Variants in DNAJC4 observed in about 807,000 individuals in gnomAD.
DNAJC4 encodes the protein dnaJ homolog subfamily C member 4.
DNAJC4 carries 26 observed loss-of-function variants against 26.8 expected under a neutral mutation model. The ratio of observed to expected loss-of-function variants is 0.97; its 90% CI spans 0.71 to 1.34. The LOEUF (loss-of-function observed/expected upper bound fraction) is 1.34, where lower values mean the gene tolerates loss of function less well. Among genes scored for constraint, DNAJC4 ranks in the 40% most tolerant of loss-of-function variants. The pLI is 0.00. For missense variants in DNAJC4, 342 were observed against 321.1 expected, an observed-to-expected ratio of 1.07 and a Z score of -0.50; for synonymous variants, 134 against 127.8, an observed-to-expected ratio of 1.05 and a Z score of -0.33.
At chr11:64,233,812 G>T (rs1947208659) in intron 4 of DNAJC4, 82 bp from the exon 5 acceptor site, 2 of 1,551,882 alleles carry the variant, frequency 1.3e-6, no homozygotes, top group South Asian at 1.2e-5. Context: ...AAGCTGTGAG[G>T]CCCCTAGAGT....
At chr11:64,233,816 C>T in intron 4 of DNAJC4, 78 bp from the exon 5 acceptor site, 1 of 1,570,570 alleles carries the variant, frequency 6.4e-7, no homozygotes, top group Non-Finnish European at 8.7e-7. Flanking sequence ...TGTGAGGCCC[C>T]TAGAGTGGGG....
Position 64,232,615 on chromosome 11 carries a change from G to A in DNAJC4, c.365+1G>A. On this transcript the variant is annotated splice_donor_variant, in intron 3 of 5. Transcript: ENST00000628077. LOFTEE classifies it high-confidence loss of function. ...ACAAGTCTGCCCACCAAACACACAG[G>A]TACAGTAATCCTGCCCTCAGCTTGC... is the stretch of plus-strand genomic sequence containing the variant. 3 of 1,591,300 alleles carry A rather than the reference G, an allele frequency of 1.9e-6. No individual in the cohort carries two copies. Among genetic ancestry groups the A allele is most frequent in the Non-Finnish European group, 2.6e-6 (3 of 1,162,980 alleles).
chr11:64,231,479 T>C, intron 1 of DNAJC4: 1 of 213,792 alleles, frequency 4.7e-6, no homozygotes, highest in Non-Finnish European at 9.6e-6. Context: ...GTAGCTGGGA[T>C]TACGGGCATG....
Position 64,234,201 on chromosome 11 carries a change from G to T in DNAJC4, c.*17G>T. On this transcript the variant is annotated 3_prime_UTR_variant, in exon 6 of 6. Coordinates refer to ENST00000628077, the MANE Select transcript of DNAJC4 (RefSeq NM_005528.4). This position sits in a 1 kb window ranked among gnomAD's most constrained non-coding sequence, Gnocchi z 5.3. ...GGCCCCTGAGGGGCTCACCTGGATG[G>T]GGCCTGCAGTGCGTTCCCGCTTTGC... is the stretch of plus-strand genomic sequence containing the variant. 1 of 1,542,706 alleles carries T rather than the reference G, an allele frequency of 6.5e-7. No individual in the cohort carries two copies. The highest frequency in any genetic ancestry group is 8.7e-7 in the Non-Finnish European group (1 of 1,148,590).
chr11:64,232,747 A>G lies in DNAJC4; in HGVS notation c.409A>G (p.Ser137Gly), dbSNP rs754624376. 1.9e-6 allele frequency: 3 copies of G among 1,612,224 alleles called. No homozygotes were observed. The South Asian group carries it at 3.3e-5, about 18-fold the overall frequency. ...CGCACAGTACTGGTCCCAGTTTCAC[A>G]GCGTGAGGCCACAGGGGCCCCAGTT... ...PNAQYWSQFH[S>G]VRPQGPQLRQ... The change falls in exon 4 of 6, where the codon AGC becomes GGC. Residue 137 changes from serine to glycine, a missense_variant. Physicochemically the swap from Ser to Gly is moderately conservative, Grantham distance 56 (BLOSUM62 0). Transcript: ENST00000628077.
rs1250196572 is a variant in DNAJC4 at position 64,230,943 on chromosome 11, G to A, written c.86+3G>A. 2 of 1,548,050 alleles carry A rather than the reference G, an allele frequency of 1.3e-6. No individual in the cohort carries two copies. Among genetic ancestry groups the A allele is most frequent in the South Asian group, 2.3e-5 (2 of 85,126 alleles). ...CTCGGAGCGGCCGCCGGGCAGCGGT[G>A]AGTTGGGCGCGGGGGGCCGGCCCGG... On this transcript the variant is annotated splice_donor_region_variant and intron_variant, in intron 1 of 5. Coordinates refer to ENST00000628077, the MANE Select transcript of DNAJC4 (RefSeq NM_005528.4).
chr11:64,233,273 G>A lies in DNAJC4; in HGVS notation c.527+408G>A, dbSNP rs976351857. On this transcript the variant is annotated intron_variant, in intron 4 of 5. Coordinates refer to ENST00000628077, the MANE Select transcript of DNAJC4 (RefSeq NM_005528.4). ...CTTTGAGATGGAGTCTCACTCTGTT[G>A]CCCAGGCTGCAGTGCAGTGGCGCAA... Among the ~76,000 whole-genome samples the A allele has an allele frequency of 6.0e-5, 9 of 150,316 alleles. No homozygotes were observed. In the South Asian group the frequency reaches 8.4e-4, roughly 14 times the overall value.
Position 64,232,574 on chromosome 11 carries a change from C to T in DNAJC4, c.325C>T (p.Arg109Ter), listed in dbSNP as rs755019048. ...LRSGSPPKSP[R>*]TTVHDKSAHQ... Reference sequence around the variant, plus strand: ...CTCAGGTAGTCCCCCAAAGTCTCCACGAACCACAGTCCATGACAAGTCTGC... The same window carrying T: ...CTCAGGTAGTCCCCCAAAGTCTCCATGAACCACAGTCCATGACAAGTCTGC... Residue 109 changes from arginine to a stop codon, truncating the protein, a stop_gained, in exon 3 of 6, where the codon CGA becomes TGA. Coordinates refer to ENST00000628077, the MANE Select transcript of DNAJC4 (RefSeq NM_005528.4). LOFTEE classifies it high-confidence loss of function. 40 of 1,610,914 alleles carry T rather than the reference C, an allele frequency of 2.5e-5. No homozygotes were observed. The highest frequency in any genetic ancestry group is 3.3e-4 in the Middle Eastern group (2 of 6,072).
In DNAJC4 at chr11:64,230,684, C is replaced by A; in HGVS notation, c.-171C>A. Reference sequence around the variant, plus strand: ...AGAGGAAGGGGCAGGTCCAAGGACACGCGGGTCTGGTCCTGGGCAAGAACC... The same window carrying A: ...AGAGGAAGGGGCAGGTCCAAGGACAAGCGGGTCTGGTCCTGGGCAAGAACC... On this transcript the variant is annotated 5_prime_UTR_variant, in exon 1 of 6. Transcript: ENST00000628077. 2.3e-6 allele frequency: 2 copies of A among 866,608 alleles called. No individual in the cohort carries two copies. The highest frequency in any genetic ancestry group is 1.8e-6 in the Non-Finnish European group (1 of 558,198). The allele number at this position is 866,608 out of a possible 1,614,324, so 53.7% of individuals were successfully genotyped here. A position where few individuals can be genotyped will look rare whatever the true frequency, so the allele number is the denominator to read the frequency against.
intron 4 of DNAJC4, 104 bp from the exon 5 acceptor site, chr11:64,233,790 T>C (rs767980081): frequency 4.0e-5 from 58 of 1,466,580 alleles, no homozygotes; most frequent in Non-Finnish European, 5.2e-5. Flanking sequence ...CCTAACCCTG[T>C]GTAAGGGTAA....
chr11:64,231,122 C>A, intron 1 of DNAJC4, 182 bp downstream of exon 1: 2 of 821,852 alleles, frequency 2.4e-6, no homozygotes, highest in Admixed American at 2.0e-5. Flanking sequence ...CCGATTTAAG[C>A]GGCAGAGGAG....
At position 64,233,758 on chromosome 11, in the gene DNAJC4, C is replaced by A. The variant is rs964779771; in HGVS notation, c.528-136C>A. On this transcript the variant is annotated intron_variant, in intron 4 of 5. Transcript: ENST00000628077. Reference sequence around the variant, plus strand: ...CACTCTGAGCCCTCCCTATCTATCACAGGAAGGGTTAGACTGAGGTTCCTA... The same window carrying A: ...CACTCTGAGCCCTCCCTATCTATCAAAGGAAGGGTTAGACTGAGGTTCCTA... The A allele has an allele frequency of 5.9e-6, 7 of 1,196,120 alleles. No homozygotes were observed. In the African/African-American group the frequency reaches 1.1e-4, roughly 18 times the overall value. The allele number at this position is 1,196,120 out of a possible 1,614,324, so 74.1% of individuals were successfully genotyped here.
intron 1 of DNAJC4, 78 bp downstream of exon 1, chr11:64,231,018 C>T: frequency 6.6e-7 from 1 of 1,509,638 alleles, no homozygotes; most frequent in Non-Finnish European, 8.9e-7. Context: ...GTTGTGGTCT[C>T]TACTCCGTGT....
chr11:64,230,500 G>C (rs1429330417), upstream of DNAJC4: 2 of 568,140 alleles, frequency 3.5e-6, no homozygotes, highest in African/African-American at 3.7e-5. Context: ...GCAGGAAATG[G>C]CGACGGCCGC....
upstream of DNAJC4, chr11:64,230,546 G>T: frequency 1.7e-6 from 1 of 596,730 alleles, no homozygotes; most frequent in South Asian, 1.6e-5. Flanking sequence ...CCTGGTTGTG[G>T]CCCCTCCTTC....
rs1391559983 is a variant in DNAJC4 at position 64,230,607 on chromosome 11, G to A, written c.-248G>A. Reference sequence around the variant, plus strand: ...GAACGGGGTCTTGGGGTCCCTGGCTGGGTGGCCAGACCCCGAAGCCAGCGC... The same window carrying A: ...GAACGGGGTCTTGGGGTCCCTGGCTAGGTGGCCAGACCCCGAAGCCAGCGC... On this transcript the variant is annotated 5_prime_UTR_variant, in exon 1 of 6. Transcript: ENST00000628077. 3 of 620,120 alleles carry A rather than the reference G, an allele frequency of 4.8e-6. No individual in the cohort carries two copies. The highest frequency in any genetic ancestry group is 2.7e-5 in the Admixed American group (1 of 36,812). 38.4% of individuals were successfully genotyped at this position (620,120 alleles called of 1,614,324 possible).
chr11:64,234,011 C>G lies in DNAJC4; in HGVS notation c.614+31C>G, dbSNP rs755795296. 1.9e-5 allele frequency: 30 copies of G among 1,614,032 alleles called. No homozygotes were observed. Among genetic ancestry groups the G allele is most frequent in the Non-Finnish European group, 2.5e-5 (29 of 1,180,028 alleles). On this transcript the variant is annotated intron_variant, in intron 5 of 5. Transcript: ENST00000628077. This position sits in a 1 kb window ranked among gnomAD's most constrained non-coding sequence, Gnocchi z 5.3. ...TCCCTGCTCTATTCTGCTCCCTGCT[C>G]CCTGTCCAGGAACCACACTTCGGGA...
At position 64,233,946 on chromosome 11, in the gene DNAJC4, A is replaced by G. The variant is rs1380136284; in HGVS notation, c.580A>G (p.Thr194Ala). ...CATGGATGAAAAGGATCGGATCATC[A>G]CAGCCTTCTACAACGAAGCCCGGGC... ...NFMDEKDRIITAFYNEARARA... is the reference protein window; with the variant it reads ...NFMDEKDRIIAAFYNEARARA... Residue 194 changes from threonine to alanine, a missense_variant, in exon 5 of 6, where the codon ACA becomes GCA. Coordinates refer to ENST00000628077, the MANE Select transcript of DNAJC4 (RefSeq NM_005528.4). 1 of 1,613,978 alleles carries G rather than the reference A, an allele frequency of 6.2e-7. No individual in the cohort carries two copies. The highest frequency in any genetic ancestry group is 1.3e-5 in the African/African-American group (1 of 74,940).
chr11:64,232,448 C>T lies in DNAJC4; in HGVS notation c.199C>T (p.Pro67Ser), dbSNP rs369456737. ...KSKELHPDRDPGNPSLHSRFV... is the reference protein window; with the variant it reads ...KSKELHPDRDSGNPSLHSRFV... Reference sequence around the variant, plus strand: ...ACCCCAGCTGCACCCAGACCGGGACCCTGGGAACCCAAGCCTGCACAGCCG... The same window carrying T: ...ACCCCAGCTGCACCCAGACCGGGACTCTGGGAACCCAAGCCTGCACAGCCG... The change falls in exon 3 of 6, where the codon CCT (proline) becomes TCT (serine). Residue 67 changes from proline (P) to serine (S), a missense_variant. Transcript: ENST00000628077. 1.3e-6 allele frequency: 2 copies of T among 1,594,630 alleles called. No homozygotes were observed. The highest frequency in any genetic ancestry group is 2.2e-5 in the East Asian group (1 of 44,474).
Sources: gnomAD v4.1 joint callset for allele counts (sites outside exome capture counted in the v4.1 genomes callset) on GRCh38, gnomAD v4.1.1 for gene constraint, Gnocchi (gnomAD v3.1) non-coding constraint, MANE v1.5 for transcripts, NCBI Gene and HGNC (gene_info 2026-07-23, HGNC 2026-07-21) for gene names.